The following DNAH8 variants were observed in gnomAD, a reference collection of about 807,000 sequenced individuals.
The protein encoded by DNAH8 is axonemal beta dynein heavy chain 8.
DNAH8 carries 382 observed loss-of-function variants against 562.1 expected under a neutral mutation model. The observed-to-expected ratio is 0.68, with a 90% CI of 0.63 to 0.74. DNAH8 has a LOEUF of 0.74. Among genes scored for constraint, DNAH8 ranks in the 30% least tolerant of loss-of-function variants. DNAH8 has a pLI of 0.00. For synonymous variants in DNAH8, 1,881 were observed against 1,919.4 expected (o/e 0.98, Z 0.52); for missense variants, 5,203 against 5,620.4 (o/e 0.93, Z 2.37).
At chr6:38,760,294 C>T (rs780687759) in intron 10 of DNAH8, among the ~76,000 whole-genome samples, 2 of 152,108 alleles carry the variant, frequency 1.3e-5, no homozygotes, top group Non-Finnish European at 2.9e-5. Flanking sequence ...ATCATTGTCT[C>T]CTGGGAAGTT....
rs749832940 is a variant in DNAH8, at chr6:38,864,055, A to C, written c.6493A>C (p.Thr2165Pro). 2 of 1,604,704 alleles carry C rather than the reference A, an allele frequency of 1.2e-6. No individual in the cohort carries two copies. Among genetic ancestry groups the C allele is most frequent in the South Asian group, 2.3e-5 (2 of 88,182 alleles). ...AAATCCAGAATTTGGAATCTTCTTA[A>C]CGATGGTGAGAAAAAAGGCTTTAAA... ...DLNPEFGIFL[T>P]MNPGYAGRQE... Residue 2165 changes from threonine to proline, a missense_variant, in exon 45 of 93, where the codon ACG (threonine) becomes CCG (proline). Transcript: ENST00000327475.
chr6:38,779,846 A>G, intron 14 of DNAH8, 120 bp from the exon 15 acceptor site: 2 of 972,620 alleles, frequency 2.1e-6, no homozygotes, highest in South Asian at 1.4e-5. Flanking sequence ...TTGTCCTAGG[A>G]CAACGAATGA....
At chr6:38,814,966 C>T (rs1772114127) in intron 25 of DNAH8, among the ~76,000 whole-genome samples, 1 of 152,148 alleles carries the variant, frequency 6.6e-6, no homozygotes, top group Non-Finnish European at 1.5e-5. Flanking sequence ...TAAGGCCAGG[C>T]AGAAACGGTC....
chr6:38,734,330 C>CCA, intron 4 of DNAH8, 144 bp from the exon 5 acceptor site: 1 of 738,256 alleles, frequency 1.4e-6, no homozygotes, highest in Non-Finnish European at 1.9e-6. Context: ...TAGTAGACCC[C>CCA]CCCCCAAAAA....
intron 1 of DNAH8, among the ~76,000 whole-genome samples, chr6:38,718,000 G>A (rs1007592058): frequency 4.6e-5 from 7 of 152,168 alleles, no homozygotes; most frequent in African/African-American, 1.7e-4. Flanking sequence ...TATGCAATGT[G>A]TCTTGCTTTT....
Position 38,832,318 on chromosome 6 carries a change from G to GTT in DNAH8, c.4189-3_4189-2insTT, listed in dbSNP as rs762003737. On this transcript the variant is annotated splice_region_variant and splice_polypyrimidine_tract_variant and intron_variant, in intron 30 of 92. Transcript: ENST00000327475. ...CTCAGGTTGAATATTCTTTTTTATT[G>GTT]TAGGTTTCAGTACAAGAGGACCTAG... 8.9e-6 allele frequency: 14 copies of GTT among 1,573,824 alleles called. No individual in the cohort carries two copies. In the Admixed American group the frequency reaches 2.4e-4, roughly 27 times the overall value.
chr6:38,939,018 G>A (rs755681448), intron 79 of DNAH8, 30 bp downstream of exon 79: 18 of 1,565,358 alleles, frequency 1.1e-5, no homozygotes, highest in Middle Eastern at 3.4e-4. Context: ...GATGTGGTGT[G>A]TGGAGGATGT....
chr6:38,897,943 A>G (rs1233875578), intron 60 of DNAH8, among the ~76,000 whole-genome samples: 3 of 152,248 alleles, frequency 2.0e-5, no homozygotes, highest in Non-Finnish European at 4.4e-5. Context: ...TGAAAGCTGC[A>G]AACAATATTA....
intron 3 of DNAH8, among the ~76,000 whole-genome samples, chr6:38,727,780 C>T (rs765873744): frequency 2.6e-4 from 39 of 152,186 alleles, no homozygotes; most frequent in Non-Finnish European, 5.1e-4. Context: ...ACTTTTACCC[C>T]TTCCCACTTT....
intron 26 of DNAH8, among the ~76,000 whole-genome samples, chr6:38,817,630 G>A (rs1772405356): frequency 6.6e-6 from 1 of 152,210 alleles, no homozygotes; most frequent in African/African-American, 2.4e-5. Flanking sequence ...ATTCCCCCCA[G>A]AGGGCAGAGC....
intron 63 of DNAH8, among the ~76,000 whole-genome samples, chr6:38,907,542 C>T (rs1296871371): frequency 6.6e-6 from 1 of 152,162 alleles, no homozygotes; most frequent in Admixed American, 6.5e-5. Context: ...CAAGCATACC[C>T]TTTTCAAGAT....
At chr6:38,898,804 G>A (rs546572899) in intron 61 of DNAH8, among the ~76,000 whole-genome samples, 203 of 152,226 alleles carry the variant, frequency 1.3e-3, no homozygotes, top group Non-Finnish European at 2.4e-3. Context: ...ATGGGACAGG[G>A]GTAAGGTTGA....
rs188101498 is a variant in DNAH8, at chr6:38,974,490, G to A, written c.12795G>A (p.Pro4265=). Residue 4265 remains proline, a synonymous_variant, in exon 85 of 93, where the codon CCG becomes CCA. Transcript: ENST00000327475. ...TCAGTAATTTACCCATGTGGAAGCC[G>A]ATGCTTTACACAGTAGCATTTTTAC... ...LDISNLPMWK[P]MLYTVAFLHS... is the part of the protein sequence containing the mutation. 1.3e-5 allele frequency: 21 copies of A among 1,613,608 alleles called. No homozygotes were observed. Among genetic ancestry groups the A allele is most frequent in the African/African-American group, 2.7e-5 (2 of 74,876 alleles).
At position 38,715,951 on chromosome 6, in the gene DNAH8, TATATATATA is replaced by T. The variant is rs1225473173; in HGVS notation, c.-35+537_-35+545del. ...ATATATATATATATATATATATATA[TATATATATA>T]TTTTTTTTTTTTTTTTGAGACGGAG... On this transcript the variant is annotated intron_variant, in intron 1 of 92. Coordinates refer to ENST00000327475, the MANE Select transcript of DNAH8 (RefSeq NM_001206927.2). Among the ~76,000 whole-genome samples the T allele has an allele frequency of 3.6e-4, 10 of 28,084 alleles. 1 individual carries two copies. Among genetic ancestry groups the T allele is most frequent in the Admixed American group, 2.5e-3 (5 of 1,990 alleles). The allele number at this position is 28,084 out of a possible 152,430, so 18.4% of individuals were successfully genotyped here.
chr6:38,920,160 CT>C (rs1781596518), intron 70 of DNAH8, among the ~76,000 whole-genome samples: 1 of 152,128 alleles, frequency 6.6e-6, no homozygotes, highest in South Asian at 2.1e-4. Context: ...GGCCCCCAGG[CT>C]GGAGTGCAGT....
At chr6:39,028,102 TA>T (rs1206157142) in intron 92 of DNAH8, among the ~76,000 whole-genome samples, 1 of 152,154 alleles carries the variant, frequency 6.6e-6, no homozygotes, top group African/African-American at 2.4e-5. Context: ...AGAAGCACCT[TA>T]ACCTCCAGGT....
intron 3 of DNAH8, among the ~76,000 whole-genome samples, chr6:38,724,963 C>G (rs949506240): frequency 2.0e-5 from 3 of 152,024 alleles, no homozygotes; most frequent in African/African-American, 7.2e-5. Context: ...GGGCAAAACT[C>G]TTTAGCTTGC....
intron 10 of DNAH8, among the ~76,000 whole-genome samples, chr6:38,761,386 C>A (rs1486063373): frequency 6.7e-6 from 1 of 149,480 alleles, no homozygotes; most frequent in Non-Finnish European, 1.5e-5. Flanking sequence ...GTCAGTTCAT[C>A]AATAGAATTT....
rs1773012213 is a variant in DNAH8 at position 38,823,012 on chromosome 6, A to G, written c.3698A>G (p.Glu1233Gly). The G allele has an allele frequency of 1.3e-6, 2 of 1,581,260 alleles. No homozygotes were observed. The highest frequency in any genetic ancestry group is 1.7e-6 in the Non-Finnish European group (2 of 1,169,902). The stretch of plus-strand genomic sequence containing the variant: ...CAGAAGTACAAGACTCTCTGGACAG[A>G]GGACCGCGATGTGAAAGTGAAGGTG... ...DFQKYKTLWT[E>G]DRDVKVKEFL... is the part of the protein sequence containing the mutation. The change falls in exon 27 of 93, where the codon GAG becomes GGG. Residue 1233 changes from glutamate (E) to glycine (G), a missense_variant. By Grantham distance (98) the Glu-to-Gly change is moderately conservative. Transcript: ENST00000327475.
Sources: allele counts gnomAD v4.1 joint callset (sites outside exome capture counted in the v4.1 genomes callset), GRCh38; gene constraint gnomAD v4.1.1; transcripts MANE v1.5; gene names NCBI Gene and HGNC (gene_info 2026-07-23, HGNC 2026-07-21).